Variants in GALNT18 observed in about 807,000 individuals in gnomAD.
The protein encoded by GALNT18 is polypeptide N-acetylgalactosaminyltransferase 18, also known as GalNAc-transferase 18.
GALNT18 carries 44 observed loss-of-function variants against 69.5 expected under a neutral mutation model. The observed-to-expected ratio is 0.63, with a 90% CI of 0.50 to 0.81. The LOEUF (loss-of-function observed/expected upper bound fraction) is 0.81. Ranked by LOEUF, GALNT18 falls within the 40% of genes least tolerant of loss-of-function variation. The pLI is 0.00. For synonymous variants in GALNT18, 364 were observed against 318.2 expected, an observed-to-expected ratio of 1.14 and a Z score of -1.53; for missense variants, 715 against 810.0, an observed-to-expected ratio of 0.88 and a Z score of 1.42.
At chr11:11,395,960 G>C (rs374275764) in intron 3 of GALNT18, among the ~76,000 whole-genome samples, 27 of 152,246 alleles carry the variant, frequency 1.8e-4, no homozygotes, top group African/African-American at 6.3e-4. Context: ...GCTGTTCCTG[G>C]CTACTGCTAA....
At chr11:11,360,010 T>G (rs1243018999) in intron 6 of GALNT18, among the ~76,000 whole-genome samples, 1 of 152,098 alleles carries the variant, frequency 6.6e-6, no homozygotes, top group East Asian at 1.9e-4. Context: ...TAAATGGAAG[T>G]TCCTTTTGGA....
At chr11:11,418,843 T>G (rs961309183) in intron 3 of GALNT18, among the ~76,000 whole-genome samples, 2 of 152,220 alleles carry the variant, frequency 1.3e-5, no homozygotes, top group African/African-American at 4.8e-5. Context: ...GTTGGGAAAC[T>G]CACTTAACTT....
chr11:11,386,433 C>CAGTT (rs80245506), intron 3 of GALNT18, among the ~76,000 whole-genome samples: 58,301 of 151,710 alleles, frequency 0.38, 12,658 homozygotes, highest in Non-Finnish European at 0.49. Context: ...TAAACTAAGA[C>CAGTT]AGTTGTACAT....
chr11:11,284,976 A>C (rs1339852826), intron 10 of GALNT18, among the ~76,000 whole-genome samples: 1 of 128,426 alleles, frequency 7.8e-6, no homozygotes. Flanking sequence ...TGCCTGAGTG[A>C]GATTCTGCCC....
chr11:11,352,230 G>T, intron 6 of GALNT18: 1 of 1,613,946 alleles, frequency 6.2e-7, no homozygotes, highest in Non-Finnish European at 8.5e-7. Context: ...GAAATCCAAG[G>T]CCTCAGGGCT....
chr11:11,371,601 G>A (rs2133674232), intron 6 of GALNT18, among the ~76,000 whole-genome samples: 1 of 152,226 alleles, frequency 6.6e-6, no homozygotes, highest in South Asian at 2.1e-4. Context: ...GTGGCTGGCT[G>A]CTGAGGGTTC....
At chr11:11,581,712 A>C (rs1184499487) in intron 1 of GALNT18, among the ~76,000 whole-genome samples, 1 of 152,162 alleles carries the variant, frequency 6.6e-6, no homozygotes, top group African/African-American at 2.4e-5. Context: ...ACAGACGAAG[A>C]GAAATTCTCC....
intron 1 of GALNT18, among the ~76,000 whole-genome samples, chr11:11,537,906 T>C (rs915299616): frequency 6.6e-6 from 1 of 152,200 alleles, no homozygotes; most frequent in East Asian, 1.9e-4. Context: ...CCTTGGGAAA[T>C]ATGACCTGGC....
chr11:11,467,311 T>C (rs1447491251), intron 1 of GALNT18, among the ~76,000 whole-genome samples: 1 of 152,230 alleles, frequency 6.6e-6, no homozygotes, highest in African/African-American at 2.4e-5. Context: ...CATGGCTCCA[T>C]GGCCAGAAAT....
At chr11:11,427,238 C>A (rs2133785621) in intron 3 of GALNT18, among the ~76,000 whole-genome samples, 1 of 152,306 alleles carries the variant, frequency 6.6e-6, no homozygotes, top group South Asian at 2.1e-4. Context: ...TACATAACGG[C>A]CACTTACAGA....
At chr11:11,507,151 G>A (rs904572022) in intron 1 of GALNT18, among the ~76,000 whole-genome samples, 2 of 152,204 alleles carry the variant, frequency 1.3e-5, no homozygotes, top group Non-Finnish European at 2.9e-5. Context: ...ACTGTTAAGT[G>A]AATAAGGAGT....
rs138550921 is a variant in GALNT18 at position 11,332,844 on chromosome 11, G to C, written c.1279-13C>G. ...CAATTCCTGAGTCCTGCACAGGGACGCAGAAGCAGAGATGAAGCCACTCCC... is the reference window on the plus strand; with the variant it reads ...CAATTCCTGAGTCCTGCACAGGGACCCAGAAGCAGAGATGAAGCCACTCCC... On this transcript the variant is annotated splice_polypyrimidine_tract_variant and intron_variant, in intron 7 of 10. Transcript: ENST00000227756. The surrounding 1 kb of genome is among the most constrained non-coding windows in gnomAD (Gnocchi z 4.3). 5.0e-6 allele frequency: 8 copies of C among 1,611,514 alleles called. No homozygotes were observed. The highest frequency in any genetic ancestry group is 5.9e-6 in the Non-Finnish European group (7 of 1,179,804).
chr11:11,451,122 G>C (rs1369107968), intron 1 of GALNT18, among the ~76,000 whole-genome samples: 1 of 152,186 alleles, frequency 6.6e-6, no homozygotes, highest in Non-Finnish European at 1.5e-5. Context: ...GCATTGTCAG[G>C]ATTGCAGTGG....
At chr11:11,271,679 A>C (rs1479568398) in intron 10 of GALNT18, among the ~76,000 whole-genome samples, 2 of 150,924 alleles carry the variant, frequency 1.3e-5, no homozygotes, top group African/African-American at 4.9e-5. Context: ...GCATCACCAG[A>C]GGCCTGGGGC....
intron 10 of GALNT18, among the ~76,000 whole-genome samples, chr11:11,274,014 TG>T (rs1848882456): frequency 6.6e-6 from 1 of 152,084 alleles, no homozygotes; most frequent in Admixed American, 6.5e-5. Flanking sequence ...GGTTGGACAG[TG>T]GGTGTAGCCC....
chr11:11,428,228 C>T (rs2030821678), intron 3 of GALNT18, among the ~76,000 whole-genome samples: 1 of 152,244 alleles, frequency 6.6e-6, no homozygotes, highest in South Asian at 2.1e-4. Context: ...CCAAGTCAGG[C>T]TGAGATCCGA....
chr11:11,280,015 T>G (rs1564876986), intron 10 of GALNT18, among the ~76,000 whole-genome samples: 2 of 151,900 alleles, frequency 1.3e-5, no homozygotes, highest in African/African-American at 4.8e-5. Flanking sequence ...ATGTGTGTGT[T>G]GGGAGGGGAC....
intron 9 of GALNT18, among the ~76,000 whole-genome samples, chr11:11,317,603 T>C (rs761324590): frequency 1.3e-5 from 2 of 152,228 alleles, no homozygotes; most frequent in Non-Finnish European, 2.9e-5. Context: ...GCTTGTTGAG[T>C]TGTTTAAGTT....
chr11:11,551,838 C>T (rs952873118), intron 1 of GALNT18, among the ~76,000 whole-genome samples: 4 of 151,880 alleles, frequency 2.6e-5, no homozygotes, highest in Admixed American at 6.6e-5. Context: ...TTGGGATAGG[C>T]GGTGGAGTTA....
Sources: allele counts gnomAD v4.1 joint callset (sites outside exome capture counted in the v4.1 genomes callset), GRCh38; gene constraint gnomAD v4.1.1; non-coding constraint Gnocchi (gnomAD v3.1); transcripts MANE v1.5; gene names NCBI Gene and HGNC (gene_info 2026-07-23, HGNC 2026-07-21).